The following SYS1 variants were observed in gnomAD, a reference collection of about 807,000 sequenced individuals.
SYS1 encodes protein SYS1 homolog.
A neutral mutation model predicts 17.8 loss-of-function variants in SYS1; 8 were observed. The observed-to-expected ratio is 0.45, with a 90% CI of 0.26 to 0.81. SYS1 has a LOEUF of 0.81. SYS1 is among the 40% of genes least tolerant of loss of function. SYS1 has a pLI of 0.16. For missense variants in SYS1, 161 were observed against 203.9 expected (o/e 0.79, Z 1.28); for synonymous variants, 95 against 90.9 (o/e 1.05, Z -0.26).
intron 3 of SYS1, 44 bp from the exon 4 acceptor site, chr20:45,366,831 C>G (rs751832659): frequency 6.4e-7 from 1 of 1,551,680 alleles, no homozygotes; most frequent in South Asian, 1.1e-5. Flanking sequence ...TAACCTAAGG[C>G]CAGGACAACC....
chr20:45,374,530 C>A (rs1178424427), exon 4 of SYS1: 1 of 526,348 alleles, frequency 1.9e-6, no homozygotes, highest in African/African-American at 1.9e-5. Flanking sequence ...CCTCGACCTC[C>A]CAAGGTGCTG....
At chr20:45,373,853 C>T, downstream of SYS1, 3 of 1,550,370 alleles carry the variant, frequency 1.9e-6, no homozygotes, top group Non-Finnish European at 1.8e-6. Flanking sequence ...CTTCCCAGCC[C>T]CAGACAAACA....
upstream of SYS1, chr20:45,362,169 C>G (rs1488383746): frequency 1.3e-5 from 4 of 306,410 alleles, no homozygotes; most frequent in Non-Finnish European, 1.9e-5. Context: ...CTATGTGCGA[C>G]TTCAGAACCT....
chr20:45,364,851 G>T (rs1301968667), intron 2 of SYS1, among the ~76,000 whole-genome samples: 2 of 152,212 alleles, frequency 1.3e-5, no homozygotes, highest in Admixed American at 6.5e-5. Context: ...CCTTGGGCAA[G>T]TTATTATCCA....
At chr20:45,374,580 G>C (rs1988664350) in exon 4 of SYS1, 3 of 473,460 alleles carry the variant, frequency 6.3e-6, no homozygotes, top group African/African-American at 2.0e-5. Flanking sequence ...CCTGTTCAGA[G>C]TAAATCTTAT....
chr20:45,363,784 C>T lies in SYS1; in HGVS notation c.162+91C>T, dbSNP rs1600743840. Reference sequence around the variant, plus strand: ...TACTGTGCTGTAGACGTGGCTGGGTCACCTTCTTTCTTTGTAGCCCTGGGA... The same window carrying T: ...TACTGTGCTGTAGACGTGGCTGGGTTACCTTCTTTCTTTGTAGCCCTGGGA... On this transcript the variant is annotated intron_variant, in intron 2 of 3. Coordinates refer to ENST00000243918, the MANE Select transcript of SYS1 (RefSeq NM_033542.4). 2.2e-6 allele frequency: 3 copies of T among 1,345,160 alleles called. No homozygotes were observed. In the Admixed American group the frequency reaches 7.4e-5, roughly 33 times the overall value. The allele number at this position is 1,345,160 out of a possible 1,614,324, so 83.3% of individuals were successfully genotyped here. A position where few individuals can be genotyped will look rare whatever the true frequency, so the allele number is the denominator to read the frequency against.
intron 3 of SYS1, chr20:45,374,216 G>T (rs1340498457): frequency 8.8e-6 from 6 of 682,016 alleles, no homozygotes; most frequent in African/African-American, 1.8e-5. Context: ...CCACGAAAGG[G>T]CTGCGGTATT....
chr20:45,366,154 C>T (rs1343609460), intron 3 of SYS1, among the ~76,000 whole-genome samples: 1 of 152,216 alleles, frequency 6.6e-6, no homozygotes, highest in Non-Finnish European at 1.5e-5. Context: ...GCTCTGGAGG[C>T]AGACTCATTT....
downstream of SYS1, among the ~76,000 whole-genome samples, chr20:45,369,461 A>G (rs1600750604): frequency 1.3e-5 from 2 of 152,218 alleles, no homozygotes; most frequent in South Asian, 4.1e-4. Context: ...CTGGTTAAAT[A>G]GTTTATCACC....
At chr20:45,376,275 C>A (rs747314798) in exon 4 of SYS1, 5 of 152,234 alleles carry the variant, frequency 3.3e-5, no homozygotes, top group Admixed American at 6.5e-5. Context: ...CCCTGCAAAC[C>A]CCCAGTGGCA....
At position 45,363,539 on chromosome 20, in the gene SYS1, G is replaced by C. The variant is rs200395107; in HGVS notation, c.8G>C (p.Gly3Ala). The change falls in exon 2 of 4, where the codon GGT becomes GCT. Residue 3 changes from glycine to alanine, a missense_variant. Gly to Ala is a moderately conservative substitution (Grantham distance 60). Transcript: ENST00000243918. ...CTCGTGTCCCTGCAGGGCATGGCGG[G>C]TCAGTTCCGCAGCTACGTGTGGGAC... is the stretch of plus-strand genomic sequence containing the variant. MA[G>A]QFRSYVWDPL... is the part of the protein sequence containing the mutation. The C allele has an allele frequency of 1.1e-4, 170 of 1,560,556 alleles. 1 individual carries two copies. The highest frequency in any genetic ancestry group is 2.7e-5 in the African/African-American group (2 of 73,856).
downstream of SYS1, among the ~76,000 whole-genome samples, chr20:45,371,393 A>G (rs1988558356): frequency 6.6e-6 from 1 of 152,076 alleles, no homozygotes; most frequent in African/African-American, 2.4e-5. Context: ...TGTGTTTTCA[A>G]ATGTTGGGGG....
In SYS1 at chr20:45,363,554, A is replaced by G. The variant is rs1424843993; in HGVS notation, c.23A>G (p.Tyr8Cys). The change falls in exon 2 of 4, where the codon TAC (tyrosine) becomes TGC (cysteine). Residue 8 changes from tyrosine (Y) to cysteine (C), a missense_variant. Tyr to Cys is a radical substitution (Grantham distance 194). Transcript: ENST00000243918. MAGQFRS[Y>C]VWDPLLILSQ... ...GGCATGGCGGGTCAGTTCCGCAGCT[A>G]CGTGTGGGACCCGCTGCTGATCCTG... 6.3e-7 allele frequency: 1 copy of G among 1,576,498 alleles called. No individual in the cohort carries two copies. Among genetic ancestry groups the G allele is most frequent in the Non-Finnish European group, 8.6e-7 (1 of 1,162,664 alleles).
At chr20:45,366,597 C>T (rs1988422746) in intron 3 of SYS1, among the ~76,000 whole-genome samples, 1 of 152,166 alleles carries the variant, frequency 6.6e-6, no homozygotes, top group Admixed American at 6.5e-5. Context: ...TACTGCCCCC[C>T]TTTAGCTAGA....
rs2664583 is a variant in SYS1 at position 45,367,492 on chromosome 20, C to T, written c.*377C>T. 0.64 allele frequency: 672,957 copies of T among 1,053,076 alleles called. 217,047 individuals carry two copies. Among genetic ancestry groups the T allele is most frequent in the African/African-American group, 0.76 (44,958 of 59,276 alleles). The allele number at this position is 1,053,076 out of a possible 1,614,324, so 65.2% of individuals were successfully genotyped here. A position where few individuals can be genotyped will look rare whatever the true frequency, so the allele number is the denominator to read the frequency against. On this transcript the variant is annotated 3_prime_UTR_variant, in exon 4 of 4. Coordinates refer to ENST00000243918, the MANE Select transcript of SYS1 (RefSeq NM_033542.4). ...CACTTCTTTAGTCATCTGTCTTACC[C>T]CCCTGGGACAGCTGTTACCTTTGCA...
rs1019646002 is a variant in SYS1, at chr20:45,363,792, T to G, written c.162+99T>G. 1.2e-5 allele frequency: 15 copies of G among 1,292,100 alleles called. No homozygotes were observed. The East Asian group carries it at 3.8e-4, about 33-fold the overall frequency. The allele number at this position is 1,292,100 out of a possible 1,614,324, so 80.0% of individuals were successfully genotyped here. A position where few individuals can be genotyped will look rare whatever the true frequency, so the allele number is the denominator to read the frequency against. ...TGTAGACGTGGCTGGGTCACCTTCT[T>G]TCTTTGTAGCCCTGGGAAAGGGATT... On this transcript the variant is annotated intron_variant, in intron 2 of 3. Transcript: ENST00000243918.
chr20:45,363,329 A>G lies in SYS1; in HGVS notation c.-4+14A>G. 7.1e-7 allele frequency: 1 copy of G among 1,418,062 alleles called. No homozygotes were observed. 87.8% of individuals were successfully genotyped at this position (1,418,062 alleles called of 1,614,324 possible). A position where few individuals can be genotyped will look rare whatever the true frequency, so the allele number is the denominator to read the frequency against. On this transcript the variant is annotated intron_variant, in intron 1 of 3. Coordinates refer to ENST00000243918, the MANE Select transcript of SYS1 (RefSeq NM_033542.4). Reference sequence around the variant, plus strand: ...AGTCTGTCACTGGTGAGTAGACCCCAGAGGAGCTCGTGTACGGGCGGGGGC... The same window carrying G: ...AGTCTGTCACTGGTGAGTAGACCCCGGAGGAGCTCGTGTACGGGCGGGGGC...
At chr20:45,375,596 C>T (rs1381933636) in exon 4 of SYS1, 10 of 1,560,064 alleles carry the variant, frequency 6.4e-6, no homozygotes, top group Non-Finnish European at 8.6e-6. Flanking sequence ...GGACCGAGGC[C>T]CTGGTTCCCG....
downstream of SYS1, chr20:45,374,056 G>A: frequency 1.3e-6 from 2 of 1,593,100 alleles, no homozygotes; most frequent in South Asian, 2.2e-5. Context: ...CTGTCCCCAG[G>A]GGGCGCTGGT....
Sources: gnomAD v4.1 joint callset for allele counts (sites outside exome capture counted in the v4.1 genomes callset) on GRCh38, gnomAD v4.1.1 for gene constraint, MANE v1.5 for transcripts, NCBI Gene and HGNC (gene_info 2026-07-23, HGNC 2026-07-21) for gene names.